Variants in RANBP2 observed in about 807,000 individuals in gnomAD.
The protein encoded by RANBP2 is E3 SUMO-protein ligase RanBP2.
Under a neutral mutation model 303.6 loss-of-function variants are expected in RANBP2, and 57 were observed. The observed-to-expected ratio is 0.19, with a 90% CI of 0.15 to 0.23. The LOEUF (loss-of-function observed/expected upper bound fraction) is 0.23, where lower values mean the gene tolerates loss of function less well. Ranked by LOEUF, RANBP2 falls within the 10% of genes least tolerant of loss-of-function variation. The pLI is 1.00. For synonymous variants in RANBP2, 1,167 were observed against 1,301.5 expected, an observed-to-expected ratio of 0.90 and a Z score of 2.23; for missense variants, 3,138 against 3,780.8, an observed-to-expected ratio of 0.83 and a Z score of 4.46.
chr2:109,048,171 T>C, the RANBP2 span, among the ~76,000 whole-genome samples: 1 of 152,274 alleles, frequency 6.6e-6, no homozygotes, highest in Non-Finnish European at 1.5e-5. Flanking sequence ...CTAATTTTTC[T>C]AAGCACTCAG....
intron 4 of RANBP2, among the ~76,000 whole-genome samples, chr2:108,732,323 G>A (rs57712392): frequency 3.9e-5 from 6 of 152,092 alleles, no homozygotes; most frequent in South Asian, 4.1e-4. Context: ...TTTAAAATCC[G>A]AAATCCTAAA....
At chr2:108,960,258 A>G in the RANBP2 span, among the ~76,000 whole-genome samples, 1 of 152,176 alleles carries the variant, frequency 6.6e-6, no homozygotes, top group African/African-American at 2.4e-5. Context: ...GGATCCCCCA[A>G]GGTTTTAACT....
the RANBP2 span, among the ~76,000 whole-genome samples, chr2:109,077,958 T>G: frequency 2.0e-5 from 3 of 147,304 alleles, 1 homozygote; most frequent in Non-Finnish European, 4.5e-5. Flanking sequence ...CTCTTCTGGG[T>G]ATATATCCAA....
the RANBP2 span, among the ~76,000 whole-genome samples, chr2:109,376,653 A>C: frequency 1.3e-5 from 2 of 152,200 alleles, no homozygotes; most frequent in African/African-American, 4.8e-5. Context: ...AACCAACTGA[A>C]AAAGACCCCC....
chr2:109,731,109 C>T, the RANBP2 span, among the ~76,000 whole-genome samples: 2 of 151,922 alleles, frequency 1.3e-5, no homozygotes, highest in Non-Finnish European at 2.9e-5. Context: ...TTTATAAGGG[C>T]AGTAATCCTT....
At chr2:109,560,542 C>A in the RANBP2 span, among the ~76,000 whole-genome samples, 1 of 152,198 alleles carries the variant, frequency 6.6e-6, no homozygotes, top group African/African-American at 2.4e-5. Context: ...TAGAATTAAT[C>A]ATTTAAATAC....
chr2:108,764,147 G>T lies in RANBP2; in HGVS notation c.3608G>T (p.Arg1203Leu). ...EFFCNRAKLF[R>L]FDVESKEWKE... ...TTTTGCAACCGCGCGAAATTGTTTC[G>T]TTTCGATGTAGAATCCAAAGAATGG... The change falls in exon 20 of 29, where the codon CGT (arginine) becomes CTT (leucine). Residue 1203 changes from arginine (R) to leucine (L), a missense_variant. This residue lies in a region of RANBP2 where 72 missense variants were observed against 119.5 expected (regional missense o/e 0.60). Coordinates refer to ENST00000283195, the MANE Select transcript of RANBP2 (RefSeq NM_006267.5). The T allele has an allele frequency of 6.2e-7, 1 of 1,614,058 alleles. No homozygotes were observed. Among genetic ancestry groups the T allele is most frequent in the Non-Finnish European group, 8.5e-7 (1 of 1,179,962 alleles).
At chr2:109,200,430 T>C in the RANBP2 span, among the ~76,000 whole-genome samples, 2 of 152,196 alleles carry the variant, frequency 1.3e-5, no homozygotes, top group Admixed American at 6.5e-5. Flanking sequence ...ATGGCTTCTG[T>C]GTCCTGTGTG....
chr2:109,429,380 C>G, the RANBP2 span, among the ~76,000 whole-genome samples: 1 of 152,120 alleles, frequency 6.6e-6, no homozygotes, highest in Non-Finnish European at 1.5e-5. Context: ...TCCAGTTCCC[C>G]CAGCAACCTA....
rs778038560 is a variant in RANBP2 at position 108,775,817 on chromosome 2, C to G, written c.8378C>G (p.Ser2793Cys). The G allele has an allele frequency of 1.2e-5, 19 of 1,613,702 alleles. No homozygotes were observed. The South Asian group carries it at 2.1e-4, about 18-fold the overall frequency. ...TEVMVPSFCK[S>C]EEPDSITKSI... The stretch of plus-strand genomic sequence containing the variant: ...GTGATGGTACCTTCTTTCTGTAAAT[C>G]TGAAGAACCTGATTCTATTACCAAA... Residue 2793 changes from serine (S) to cysteine (C), a missense_variant, in exon 24 of 29, where the codon TCT becomes TGT. By Grantham distance (112) the Ser-to-Cys change is moderately radical. This residue lies in a region of RANBP2 where 497 missense variants were observed against 465.8 expected (regional missense o/e 1.07). Transcript: ENST00000283195.
the RANBP2 span, among the ~76,000 whole-genome samples, chr2:109,626,434 A>G: frequency 2.6e-5 from 4 of 151,674 alleles, no homozygotes; most frequent in Non-Finnish European, 4.4e-5. Flanking sequence ...CCGCCACTGC[A>G]CTCCAGCCTG....
the RANBP2 span, among the ~76,000 whole-genome samples, chr2:109,489,710 A>G: frequency 7.5e-6 from 1 of 132,670 alleles, no homozygotes; most frequent in African/African-American, 2.9e-5. Context: ...AAGAGAAAGG[A>G]AAACAAGTGT....
the RANBP2 span, among the ~76,000 whole-genome samples, chr2:109,207,874 G>A: frequency 1.3e-5 from 2 of 152,042 alleles, no homozygotes; most frequent in Admixed American, 6.5e-5. Context: ...TTAACAAATT[G>A]GCCTATGGCA....
rs538552635 is a variant in RANBP2 at position 108,735,230 on chromosome 2, A to G, written c.406-302A>G. On this transcript the variant is annotated intron_variant, in intron 4 of 28. Coordinates refer to ENST00000283195, the MANE Select transcript of RANBP2 (RefSeq NM_006267.5). ...CCTTGTTGCTGAGGATTGACTGGGGAGGTCTAGGCTTCTGGTGGTGACTCA... is the reference window on the plus strand; with the variant it reads ...CCTTGTTGCTGAGGATTGACTGGGGGGGTCTAGGCTTCTGGTGGTGACTCA... Among the ~76,000 whole-genome samples, 4 of 152,168 alleles carry G rather than the reference A, an allele frequency of 2.6e-5. No homozygotes were observed. In the East Asian group the frequency reaches 7.7e-4, roughly 29 times the overall value.
At chr2:109,614,871 C>A in the RANBP2 span, 26 of 1,421,472 alleles carry the variant, frequency 1.8e-5, no homozygotes, top group Non-Finnish European at 2.2e-5. Context: ...GGAGTCGCTC[C>A]CTGGACAGGG....
chr2:109,160,625 C>T, the RANBP2 span, among the ~76,000 whole-genome samples: 1 of 152,186 alleles, frequency 6.6e-6, no homozygotes, highest in Non-Finnish European at 1.5e-5. Context: ...GGAAAAGCTA[C>T]ATGAGGCCCA....
the RANBP2 span, among the ~76,000 whole-genome samples, chr2:109,541,138 G>C: frequency 3.9e-5 from 6 of 152,148 alleles, no homozygotes; most frequent in Admixed American, 6.5e-5. Flanking sequence ...CATGTTTCAT[G>C]GTTACCCTAG....
the RANBP2 span, among the ~76,000 whole-genome samples, chr2:109,513,309 T>TGCATATACTCCACATGCAC: frequency 6.6e-6 from 1 of 150,606 alleles, no homozygotes; most frequent in East Asian, 2.0e-4. Flanking sequence ...TACACATGCA[T>TGCATATACTCCACATGCAC]GCATATACTC....
the RANBP2 span, among the ~76,000 whole-genome samples, chr2:109,422,801 G>A: frequency 3.3e-5 from 5 of 152,274 alleles, no homozygotes; most frequent in Non-Finnish European, 7.3e-5. Flanking sequence ...CCACTTCTTC[G>A]TGGGCATCTT....
Sources: allele counts gnomAD v4.1 joint callset (sites outside exome capture counted in the v4.1 genomes callset), GRCh38; gene constraint gnomAD v4.1.1; regional missense constraint gnomAD v4.1.1; transcripts MANE v1.5; gene names NCBI Gene and HGNC (gene_info 2026-07-23, HGNC 2026-07-21).